ZFHX3: variants seen among roughly 807,000 people sequenced by gnomAD.
ZFHX3 encodes the protein zinc finger homeobox protein 3.
Under a neutral mutation model 279.1 loss-of-function variants are expected in ZFHX3, and 42 were observed. The ratio of observed to expected loss-of-function variants is 0.15; its 90% CI spans 0.12 to 0.19. The LOEUF is 0.19. ZFHX3 is among the 10% of genes least tolerant of loss of function. The probability of loss-of-function intolerance (pLI) is 1.00; values close to 1 mark genes in which losing one functional copy is unlikely to be tolerated. For synonymous variants in ZFHX3, 2,293 were observed against 1,957.8 expected, an observed-to-expected ratio of 1.17 and a Z score of -4.52; for missense variants, 4,981 against 4,754.0, an observed-to-expected ratio of 1.05 and a Z score of -1.40.
intron 2 of ZFHX3, among the ~76,000 whole-genome samples, chr16:73,542,089 C>A (rs906025644): frequency 6.6e-6 from 1 of 152,182 alleles, no homozygotes; most frequent in African/African-American, 2.4e-5. Flanking sequence ...CTCGAGCAAC[C>A]GCGCCCGGCC....
chr16:73,505,167 A>G (rs541619830), intron 2 of ZFHX3, among the ~76,000 whole-genome samples: 13 of 152,150 alleles, frequency 8.5e-5, no homozygotes, highest in Non-Finnish European at 1.3e-4. Context: ...AATATTCATC[A>G]ACCCGAGCCT....
intron 1 of ZFHX3, among the ~76,000 whole-genome samples, chr16:73,028,878 C>G (rs1310025325): frequency 2.0e-5 from 3 of 152,242 alleles, no homozygotes; most frequent in African/African-American, 4.8e-5. Flanking sequence ...GCAACAACAA[C>G]AGAAGTCTTG....
intron 2 of ZFHX3, among the ~76,000 whole-genome samples, chr16:73,517,286 G>C (rs745565503): frequency 1.3e-5 from 2 of 152,052 alleles, no homozygotes; most frequent in Non-Finnish European, 2.9e-5. Flanking sequence ...TACCTCTATG[G>C]CTCACTCATT....
intron 5 of ZFHX3, among the ~76,000 whole-genome samples, chr16:73,234,775 A>G (rs1309003235): frequency 1.3e-5 from 2 of 152,244 alleles, no homozygotes; most frequent in African/African-American, 2.4e-5. Flanking sequence ...CAAGGTTATC[A>G]AAGTTTCTTG....
intron 2 of ZFHX3, among the ~76,000 whole-genome samples, chr16:73,628,956 G>T (rs1429570552): frequency 6.6e-6 from 1 of 152,188 alleles, no homozygotes; most frequent in Non-Finnish European, 1.5e-5. Context: ...TTGGAAAGAA[G>T]GGGTGTGTGG....
intron 1 of ZFHX3, among the ~76,000 whole-genome samples, chr16:72,962,962 T>C (rs572340195): frequency 6.6e-6 from 1 of 151,666 alleles, no homozygotes; most frequent in Non-Finnish European, 1.5e-5. Context: ...CATCTACCAC[T>C]CCCCCGCAAC....
At chr16:73,519,468 G>A (rs2019576541) in intron 2 of ZFHX3, among the ~76,000 whole-genome samples, 2 of 151,258 alleles carry the variant, frequency 1.3e-5, no homozygotes, top group African/African-American at 4.9e-5. Context: ...CCCTACCTTG[G>A]GCCCGTGATT....
At chr16:73,005,835 C>G (rs1035420580) in intron 1 of ZFHX3, 1 of 152,108 alleles carries the variant, frequency 6.6e-6, no homozygotes, top group African/African-American at 2.4e-5. Context: ...CTTAGAAGTT[C>G]TGAAGCGTTA....
At chr16:73,662,251 G>A (rs559447690) in intron 2 of ZFHX3, among the ~76,000 whole-genome samples, 6 of 152,198 alleles carry the variant, frequency 3.9e-5, no homozygotes, top group East Asian at 1.9e-4. Flanking sequence ...GCACTTTTGC[G>A]CAAGTGTAAA....
chr16:73,463,153 C>T (rs926581879), intron 2 of ZFHX3, among the ~76,000 whole-genome samples: 1 of 152,150 alleles, frequency 6.6e-6, no homozygotes, highest in African/African-American at 2.4e-5. Flanking sequence ...CTGATTGAAC[C>T]CTGATACCTT....
Position 73,812,214 on chromosome 16 carries a change from C to G in ZFHX3, c.-1608+79437G>C, listed in dbSNP as rs28696960. On this transcript the variant is annotated intron_variant, in intron 1 of 17. Coordinates refer to the ZFHX3 transcript ENST00000641206. ...CGAATTTCCCATCACTGAAAGGATG[C>G]AAGCATGGGCTGGGCATCCATCCAG... is the stretch of plus-strand genomic sequence containing the variant. 1.5e-3 allele frequency among the ~76,000 whole-genome samples: 235 copies of G among 152,252 alleles called. 3 individuals carry two copies. The highest frequency in any genetic ancestry group is 5.4e-3 in the African/African-American group (225 of 41,548).
chr16:73,060,902 T>A (rs574670672), upstream of ZFHX3: 1 of 152,310 alleles, frequency 6.6e-6, no homozygotes, highest in Non-Finnish European at 1.5e-5. Context: ...TTTCCAATGC[T>A]CTTAAGAACA....
intron 1 of ZFHX3, among the ~76,000 whole-genome samples, chr16:73,752,070 A>G (rs2053767043): frequency 6.6e-6 from 1 of 152,184 alleles, no homozygotes; most frequent in Non-Finnish European, 1.5e-5. Flanking sequence ...GCAGAGAAAG[A>G]GAGAAAGGAG....
chr16:73,284,316 C>CAAAAAA (rs71156152), intron 4 of ZFHX3, among the ~76,000 whole-genome samples: 3 of 83,304 alleles, frequency 3.6e-5, no homozygotes, highest in African/African-American at 4.8e-5. Context: ...GACTCTGTCT[C>CAAAAAA]AAAAAAAAAA....
At chr16:73,152,437 G>A (rs1378528300) in intron 5 of ZFHX3, among the ~76,000 whole-genome samples, 3 of 152,064 alleles carry the variant, frequency 2.0e-5, no homozygotes, top group Non-Finnish European at 2.9e-5. Context: ...TTGACTGAGG[G>A]AGAAATAATA....
chr16:73,737,589 A>G (rs888827791), intron 1 of ZFHX3, among the ~76,000 whole-genome samples: 1 of 152,156 alleles, frequency 6.6e-6, no homozygotes, highest in Non-Finnish European at 1.5e-5. Context: ...ATTCCATACA[A>G]AAGCTGTGCT....
intron 4 of ZFHX3, among the ~76,000 whole-genome samples, chr16:72,849,992 T>C (rs2037575438): frequency 6.8e-6 from 1 of 147,892 alleles, no homozygotes; most frequent in Non-Finnish European, 1.5e-5. Flanking sequence ...GGACATAAGC[T>C]GAAAGAAAAG....
chr16:72,970,461 C>T (rs944779525), intron 1 of ZFHX3, among the ~76,000 whole-genome samples: 3 of 152,226 alleles, frequency 2.0e-5, no homozygotes, highest in Non-Finnish European at 4.4e-5. Flanking sequence ...AGACAAGCAT[C>T]GTGTGCCCAT....
At chr16:73,535,336 A>C (rs1478569988) in intron 2 of ZFHX3, among the ~76,000 whole-genome samples, 1 of 152,216 alleles carries the variant, frequency 6.6e-6, no homozygotes, top group Non-Finnish European at 1.5e-5. Flanking sequence ...TGTGTTTAAC[A>C]ACCTTCTCAT....
Sources: allele counts gnomAD v4.1 joint callset (sites outside exome capture counted in the v4.1 genomes callset), GRCh38; gene constraint gnomAD v4.1.1; transcripts MANE v1.5; gene names NCBI Gene and HGNC (gene_info 2026-07-23, HGNC 2026-07-21).